Variants in LRRC4C observed in about 807,000 individuals in gnomAD.
LRRC4C encodes the protein leucine-rich repeat-containing protein 4C.
A neutral mutation model predicts 33.6 loss-of-function variants in LRRC4C; 5 were observed. The ratio of observed to expected loss-of-function variants is 0.15; its 90% CI spans 0.08 to 0.31. The LOEUF (loss-of-function observed/expected upper bound fraction) is 0.31, where lower values mean the gene tolerates loss of function less well. Ranked by LOEUF, LRRC4C falls within the 10% of genes least tolerant of loss-of-function variation. The pLI is 1.00. For missense variants in LRRC4C, 560 were observed against 796.7 expected, an observed-to-expected ratio of 0.70 and a Z score of 3.58; for synonymous variants, 329 against 302.0, an observed-to-expected ratio of 1.09 and a Z score of -0.93.
At chr11:41,127,203 G>T (rs2135809039) in intron 1 of LRRC4C, among the ~76,000 whole-genome samples, 1 of 150,620 alleles carries the variant, frequency 6.6e-6, no homozygotes, top group Non-Finnish European at 1.5e-5. Flanking sequence ...CAAATATACT[G>T]CCAGGCCAGC....
At chr11:40,291,786 A>T (rs1944209248) in intron 4 of LRRC4C, among the ~76,000 whole-genome samples, 1 of 152,204 alleles carries the variant, frequency 6.6e-6, no homozygotes, top group African/African-American at 2.4e-5. Flanking sequence ...CAGGTTGGAT[A>T]ATGAAATTTA....
intron 2 of LRRC4C, among the ~76,000 whole-genome samples, chr11:40,778,951 A>G (rs1422427442): frequency 2.0e-5 from 3 of 152,188 alleles, no homozygotes. Context: ...CTGTTGCAGC[A>G]TTTTAGGCAG....
At chr11:40,958,831 C>G (rs1388473554) in intron 1 of LRRC4C, among the ~76,000 whole-genome samples, 1 of 151,710 alleles carries the variant, frequency 6.6e-6, no homozygotes, top group Non-Finnish European at 1.5e-5. Flanking sequence ...GGAAGAGGAG[C>G]TATCAGGATT....
chr11:40,491,936 C>T (rs1954181098), intron 3 of LRRC4C, among the ~76,000 whole-genome samples: 1 of 152,096 alleles, frequency 6.6e-6, no homozygotes, highest in Non-Finnish European at 1.5e-5. Context: ...CATATTGTAG[C>T]ACAAGTTTTA....
chr11:40,530,424 C>G (rs1487638365), intron 3 of LRRC4C, among the ~76,000 whole-genome samples: 1 of 151,766 alleles, frequency 6.6e-6, no homozygotes, highest in East Asian at 1.9e-4. Context: ...TACATACTAG[C>G]TACATGCAAA....
At chr11:40,249,891 C>T (rs898280617) in intron 4 of LRRC4C, among the ~76,000 whole-genome samples, 3 of 152,128 alleles carry the variant, frequency 2.0e-5, no homozygotes, top group African/African-American at 7.2e-5. Context: ...AGATATTCAT[C>T]GCTACCCAAT....
intron 2 of LRRC4C, among the ~76,000 whole-genome samples, chr11:40,927,052 T>A (rs773304824): frequency 6.6e-6 from 1 of 152,228 alleles, no homozygotes; most frequent in African/African-American, 2.4e-5. Context: ...ATCTAGCTTA[T>A]GTCTGTAATG....
chr11:40,575,559 A>G (rs1206342405), intron 3 of LRRC4C, among the ~76,000 whole-genome samples: 1 of 152,180 alleles, frequency 6.6e-6, no homozygotes, highest in African/African-American at 2.4e-5. Flanking sequence ...GGCAATGGGA[A>G]GGACACATAA....
At chr11:41,337,588 A>G (rs2958844) in intron 1 of LRRC4C, among the ~76,000 whole-genome samples, 62,294 of 152,012 alleles carry the variant, frequency 0.41, 13,545 homozygotes, top group Non-Finnish European at 0.48. Flanking sequence ...AAAACCTTAG[A>G]AGAAAACCTA....
chr11:40,353,098 G>A (rs551934147), intron 3 of LRRC4C, among the ~76,000 whole-genome samples: 1 of 152,148 alleles, frequency 6.6e-6, no homozygotes, highest in South Asian at 2.1e-4. Flanking sequence ...TAATGTTCTT[G>A]TACTTGAATA....
intron 2 of LRRC4C, among the ~76,000 whole-genome samples, chr11:40,678,085 G>A (rs1361357869): frequency 6.6e-6 from 1 of 151,552 alleles, no homozygotes; most frequent in African/African-American, 2.4e-5. Flanking sequence ...TTGGGGGTAG[G>A]GTGGGTTCTG....
At chr11:40,134,763 G>A (rs1856858894) in intron 6 of LRRC4C, among the ~76,000 whole-genome samples, 1 of 152,158 alleles carries the variant, frequency 6.6e-6, no homozygotes, top group Admixed American at 6.5e-5. Flanking sequence ...CAGATCCCAT[G>A]ATTCCTGACC....
intron 1 of LRRC4C, among the ~76,000 whole-genome samples, chr11:41,132,357 T>C (rs1415785226): frequency 6.6e-6 from 1 of 152,180 alleles, no homozygotes; most frequent in Non-Finnish European, 1.5e-5. Context: ...GGTGAGTATA[T>C]TTAAAATGAA....
At chr11:41,310,097 T>A (rs777000815) in intron 1 of LRRC4C, among the ~76,000 whole-genome samples, 8 of 152,234 alleles carry the variant, frequency 5.3e-5, no homozygotes, top group Non-Finnish European at 1.0e-4. Context: ...TCAATGACCA[T>A]GATTTTAATT....
chr11:40,818,465 C>T (rs1292728997), intron 2 of LRRC4C, among the ~76,000 whole-genome samples: 1 of 151,952 alleles, frequency 6.6e-6, no homozygotes, highest in Non-Finnish European at 1.5e-5. Context: ...GTTAGTTGAG[C>T]TTATTTTTTA....
chr11:40,574,168 T>G (rs540647628), intron 3 of LRRC4C, among the ~76,000 whole-genome samples: 1 of 152,336 alleles, frequency 6.6e-6, no homozygotes, highest in Non-Finnish European at 1.5e-5. Flanking sequence ...TCCTGTAACA[T>G]TTTAAAGTCA....
chr11:40,191,556 C>A (rs538812290), intron 5 of LRRC4C, among the ~76,000 whole-genome samples: 1 of 152,318 alleles, frequency 6.6e-6, no homozygotes, highest in South Asian at 2.1e-4. Context: ...AAAATCCTCA[C>A]TGTAACTCAT....
chr11:40,230,623 C>T (rs1353938116), intron 5 of LRRC4C, among the ~76,000 whole-genome samples: 1 of 152,132 alleles, frequency 6.6e-6, no homozygotes, highest in Non-Finnish European at 1.5e-5. Context: ...TTATTTTAAG[C>T]AGAATGAATT....
At chr11:41,260,608 T>C (rs1015415005) in intron 1 of LRRC4C, among the ~76,000 whole-genome samples, 2 of 151,834 alleles carry the variant, frequency 1.3e-5, no homozygotes, top group Non-Finnish European at 2.9e-5. Flanking sequence ...TGTATATATA[T>C]GTGTACACAC....
Sources: allele counts gnomAD v4.1 joint callset (sites outside exome capture counted in the v4.1 genomes callset), GRCh38; gene constraint gnomAD v4.1.1; transcripts MANE v1.5; gene names NCBI Gene and HGNC (gene_info 2026-07-23, HGNC 2026-07-21).